Variants in NUP62CL observed in about 807,000 individuals in gnomAD.
The protein encoded by NUP62CL is nucleoporin-62 C-terminal-like protein.
NUP62CL carries 13 observed loss-of-function variants against 15.3 expected under a neutral mutation model. The ratio of observed to expected loss-of-function variants is 0.85; its 90% CI spans 0.55 to 1.35. The LOEUF is 1.35. Among genes scored for constraint, NUP62CL ranks in the 40% most tolerant of loss-of-function variants. The pLI is 0.00. For synonymous variants in NUP62CL, 54 were observed against 49.2 expected (o/e 1.10, Z -0.41); for missense variants, 123 against 130.6 (o/e 0.94, Z 0.28).
intron 8 of NUP62CL, among the ~76,000 whole-genome samples, chrX:107,129,347 C>A (rs908579033): frequency 8.0e-5 from 9 of 111,877 alleles, no homozygotes; most frequent in African/African-American, 2.9e-4. Flanking sequence ...CTACCCAACT[C>A]CTGGAGATAA....
intron 3 of NUP62CL, among the ~76,000 whole-genome samples, chrX:107,169,571 A>T (rs1259736508): frequency 8.9e-6 from 1 of 112,021 alleles, no homozygotes; most frequent in Non-Finnish European, 1.9e-5. Context: ...GACCATGCCC[A>T]ATCACAAAGA....
At chrX:107,135,205 G>A (rs375550611) in intron 8 of NUP62CL, among the ~76,000 whole-genome samples, 2 of 112,257 alleles carry the variant, frequency 1.8e-5, no homozygotes, top group East Asian at 5.6e-4. Flanking sequence ...AATGTGCCTA[G>A]CTTTCCTTGC....
chrX:107,144,358 T>A (rs1925841700), intron 8 of NUP62CL, among the ~76,000 whole-genome samples: 1 of 111,871 alleles, frequency 8.9e-6, no homozygotes, highest in African/African-American at 3.2e-5. Flanking sequence ...TGGATCCTGG[T>A]CCTAGCTCTG....
chrX:107,188,728 T>C (rs929961610), intron 2 of NUP62CL, among the ~76,000 whole-genome samples: 2 of 111,064 alleles, frequency 1.8e-5, no homozygotes, highest in African/African-American at 6.5e-5. Context: ...ATAAGAAATT[T>C]ACAAAAAAAA....
At chrX:107,204,967 A>T (rs752214694) in intron 1 of NUP62CL, among the ~76,000 whole-genome samples, 27 of 108,371 alleles carry the variant, frequency 2.5e-4, no homozygotes, top group Middle Eastern at 4.8e-3. Flanking sequence ...AATAAATTTT[A>T]AATAAAGTGC....
In NUP62CL at chrX:107,146,753, T is replaced by C. The variant is rs750359098; in HGVS notation, c.*42+990A>G. Among the ~76,000 whole-genome samples the C allele has an allele frequency of 3.6e-5, 4 of 111,466 alleles. No individual in the cohort carries two copies. The East Asian group carries it at 1.1e-3, about 31-fold the overall frequency. On this transcript the variant is annotated intron_variant, in intron 8 of 8. Transcript: ENST00000372466. ...GTTCAAACCATCCTAATGTGGCCAG[T>C]GGGAGTCCCTTCAAGCACAATCTTG...
chrX:107,186,422 TCTA>T (rs1386744755), intron 2 of NUP62CL, among the ~76,000 whole-genome samples: 3 of 111,400 alleles, frequency 2.7e-5, no homozygotes, highest in Non-Finnish European at 5.6e-5. Context: ...ACAGCAAAAA[TCTA>T]CTCAGTTTTG....
intron 1 of NUP62CL, among the ~76,000 whole-genome samples, chrX:107,197,657 C>A (rs1158565086): frequency 9.2e-6 from 1 of 108,482 alleles, no homozygotes; most frequent in Non-Finnish European, 1.9e-5. Flanking sequence ...GCACACTAGG[C>A]CCCCAAAAAT....
At chrX:107,127,997 A>G (rs764983022) in intron 8 of NUP62CL, among the ~76,000 whole-genome samples, 188 of 112,169 alleles carry the variant, frequency 1.7e-3, no homozygotes, top group African/African-American at 5.6e-3. Flanking sequence ...GTGGTACTGG[A>G]AAGAATGCAG....
intron 2 of NUP62CL, among the ~76,000 whole-genome samples, chrX:107,189,892 A>AGAAAGAAT (rs1927184125): frequency 1.1e-5 from 1 of 92,944 alleles, no homozygotes; most frequent in Non-Finnish European, 2.1e-5. Context: ...AAAGAAAGAA[A>AGAAAGAAT]GAAAGAAAGA....
chrX:107,125,683 GT>G (rs1348670581), intron 8 of NUP62CL, among the ~76,000 whole-genome samples: 1 of 111,510 alleles, frequency 9.0e-6, no homozygotes. Flanking sequence ...CTAAATAACA[GT>G]TTTTAATATG....
intron 8 of NUP62CL, among the ~76,000 whole-genome samples, chrX:107,125,548 A>G (rs1925367891): frequency 9.0e-6 from 1 of 111,712 alleles, no homozygotes; most frequent in Non-Finnish European, 1.9e-5. Flanking sequence ...CTGCAAGATC[A>G]TGCTTTAAGG....
At chrX:107,185,490 T>G (rs949013581) in intron 2 of NUP62CL, among the ~76,000 whole-genome samples, 7 of 111,023 alleles carry the variant, frequency 6.3e-5, no homozygotes, top group Non-Finnish European at 1.1e-4. Context: ...AGGAACAATT[T>G]TTAGACTTCA....
intron 2 of NUP62CL, among the ~76,000 whole-genome samples, chrX:107,188,970 T>A (rs751142175): frequency 1.8e-5 from 2 of 111,952 alleles, no homozygotes; most frequent in South Asian, 7.5e-4. Context: ...CAAAAAGGAC[T>A]CCTATAATAC....
At chrX:107,155,205 C>T (rs1217352488) in intron 4 of NUP62CL, among the ~76,000 whole-genome samples, 1 of 112,170 alleles carries the variant, frequency 8.9e-6, no homozygotes, top group Non-Finnish European at 1.9e-5. Context: ...GTACTTTGTC[C>T]CGCTTCTCCC....
chrX:107,192,814 G>C (rs1240004685), intron 2 of NUP62CL, among the ~76,000 whole-genome samples: 2 of 112,038 alleles, frequency 1.8e-5, no homozygotes, highest in Non-Finnish European at 3.8e-5. Context: ...GTTGCTACTG[G>C]GGCAGGAGTT....
At chrX:107,150,874 A>C in intron 7 of NUP62CL, 1 of 342,703 alleles carries the variant, frequency 2.9e-6, no homozygotes, top group Non-Finnish European at 5.9e-6. Context: ...TAGTGTCAGA[A>C]GAACTTTCAA....
chrX:107,187,493 G>A (rs1269001881), intron 2 of NUP62CL, among the ~76,000 whole-genome samples: 1 of 112,280 alleles, frequency 8.9e-6, no homozygotes, highest in Non-Finnish European at 1.9e-5. Flanking sequence ...TGCCTCCCGG[G>A]TTCAAGCAAT....
chrX:107,180,964 A>C (rs1602659630), intron 2 of NUP62CL, among the ~76,000 whole-genome samples: 1 of 85,730 alleles, frequency 1.2e-5, no homozygotes, highest in African/African-American at 4.7e-5. Flanking sequence ...ACCCAGTTGG[A>C]GTGGTGCAGT....
Sources: gnomAD v4.1 joint callset for allele counts (sites outside exome capture counted in the v4.1 genomes callset) on GRCh38, gnomAD v4.1.1 for gene constraint, MANE v1.5 for transcripts, NCBI Gene and HGNC (gene_info 2026-07-23, HGNC 2026-07-21) for gene names.